The following TLN2 variants were observed in gnomAD, a reference collection of about 807,000 sequenced individuals.
TLN2 encodes the protein talin 2.
TLN2 carries 118 observed loss-of-function variants against 294.7 expected under a neutral mutation model. The observed-to-expected ratio is 0.40, with a 90% CI of 0.34 to 0.47. The LOEUF is 0.47. Ranked by LOEUF, TLN2 falls within the 20% of genes least tolerant of loss-of-function variation. The pLI is 0.84. For synonymous variants in TLN2, 1,431 were observed against 1,304.5 expected, an observed-to-expected ratio of 1.10 and a Z score of -2.09; for missense variants, 3,083 against 3,282.2, an observed-to-expected ratio of 0.94 and a Z score of 1.48.
At chr15:62,441,810 T>G (rs1391872080) in intron 1 of TLN2, among the ~76,000 whole-genome samples, 1 of 152,186 alleles carries the variant, frequency 6.6e-6, no homozygotes, top group African/African-American at 2.4e-5. Flanking sequence ...AGGCCTCTAT[T>G]AACAACATGA....
At chr15:62,540,310 A>G (rs962319356) in intron 1 of TLN2, among the ~76,000 whole-genome samples, 27 of 151,996 alleles carry the variant, frequency 1.8e-4, no homozygotes, top group African/African-American at 6.5e-4. Flanking sequence ...ACTGCACTCC[A>G]GCCTGGGTGA....
chr15:62,573,448 C>T (rs577892830), intron 1 of TLN2, among the ~76,000 whole-genome samples: 70 of 152,222 alleles, frequency 4.6e-4, no homozygotes, highest in African/African-American at 1.6e-3. Context: ...ATTCATCCTT[C>T]TAGGGGCCCC....
intron 1 of TLN2, among the ~76,000 whole-genome samples, chr15:62,420,124 TA>T (rs1454512856): frequency 6.6e-6 from 1 of 152,224 alleles, no homozygotes; most frequent in Admixed American, 6.5e-5. Context: ...AGTGCTGACT[TA>T]CTTTATAGTA....
At chr15:62,596,334 A>G (rs1235373333) in intron 2 of TLN2, among the ~76,000 whole-genome samples, 1 of 152,106 alleles carries the variant, frequency 6.6e-6, no homozygotes, top group African/African-American at 2.4e-5. Context: ...TCACAAAAAA[A>G]ATACGTTAAC....
intron 22 of TLN2, among the ~76,000 whole-genome samples, chr15:62,713,728 C>T (rs2059576987): frequency 6.6e-6 from 1 of 151,962 alleles, no homozygotes; most frequent in African/African-American, 2.4e-5. Context: ...AGGACCTCTC[C>T]TCACTCAACT....
intron 27 of TLN2, among the ~76,000 whole-genome samples, chr15:62,725,699 A>T (rs541809277): frequency 6.6e-6 from 1 of 152,282 alleles, no homozygotes; most frequent in East Asian, 1.9e-4. Context: ...GTTTATCGTG[A>T]TAGTAACTTT....
rs760440383 is a variant in TLN2, at chr15:62,766,329, G to A, written c.5103G>A (p.Gln1701=). The A allele has an allele frequency of 6.2e-7, 1 of 1,612,452 alleles. No homozygotes were observed. Among genetic ancestry groups the A allele is most frequent in the Middle Eastern group, 1.7e-4 (1 of 5,996 alleles). ...TRDDISVEAL[Q]EQLTSVVQEI... ...ACTTCTCTCCTTATCAGGCCCTGCA[G>A]GAGCAGCTGACTTCGGTGGTCCAGG... The change falls in exon 41 of 59, where the codon CAG becomes CAA. Residue 1701 remains glutamine (Q), a synonymous_variant. Coordinates refer to ENST00000636159, the MANE Select transcript of TLN2 (RefSeq NM_015059.3).
intron 1 of TLN2, among the ~76,000 whole-genome samples, chr15:62,459,107 T>A (rs1375707472): frequency 6.6e-6 from 1 of 152,000 alleles, no homozygotes; most frequent in Non-Finnish European, 1.5e-5. Flanking sequence ...TTCAAGTTAT[T>A]CTCCTGCCTC....
chr15:62,517,112 G>T (rs2140463653), intron 1 of TLN2, among the ~76,000 whole-genome samples: 1 of 152,324 alleles, frequency 6.6e-6, no homozygotes. Flanking sequence ...ATGTTCTGAA[G>T]CCAAGGATGG....
chr15:62,599,968 A>C (rs2046850735), intron 2 of TLN2, among the ~76,000 whole-genome samples: 1 of 152,192 alleles, frequency 6.6e-6, no homozygotes, highest in Non-Finnish European at 1.5e-5. Context: ...ACATGTTTCC[A>C]AAAACACTGC....
At chr15:62,790,761 A>G (rs544595300) in intron 45 of TLN2, among the ~76,000 whole-genome samples, 13 of 152,208 alleles carry the variant, frequency 8.5e-5, no homozygotes, top group Non-Finnish European at 1.9e-4. Context: ...TCAGCTTAAC[A>G]TTATTTTCAA....
chr15:62,522,773 C>T (rs1352502091), intron 1 of TLN2, among the ~76,000 whole-genome samples: 2 of 148,238 alleles, frequency 1.3e-5, no homozygotes, highest in South Asian at 2.1e-4. Context: ...GACTCCCAGG[C>T]GTCAATTTCA....
intron 1 of TLN2, among the ~76,000 whole-genome samples, chr15:62,537,235 A>G (rs550931269): frequency 2.7e-4 from 41 of 152,070 alleles, no homozygotes; most frequent in Admixed American, 2.0e-4. Context: ...AGCCAGGATG[A>G]TCTCGATCTG....
At chr15:62,439,000 C>T (rs192182841) in intron 1 of TLN2, among the ~76,000 whole-genome samples, 5 of 152,110 alleles carry the variant, frequency 3.3e-5, no homozygotes, top group Admixed American at 6.6e-5. Flanking sequence ...TAGGGCTTTT[C>T]TTTATTGTTT....
rs2070830393 is a variant in TLN2 at position 62,842,669 on chromosome 15, A to T, written c.*2059A>T. Reference sequence around the variant, plus strand: ...AGTTCTTCCACCTTGCCTCAGAGTCATTTAAAACCTTTACTGCATTTGATA... The same window carrying T: ...AGTTCTTCCACCTTGCCTCAGAGTCTTTTAAAACCTTTACTGCATTTGATA... On this transcript the variant is annotated 3_prime_UTR_variant, in exon 59 of 59. Transcript: ENST00000636159. 1 of 152,222 alleles carries T rather than the reference A, an allele frequency of 6.6e-6. No individual in the cohort carries two copies. The highest frequency in any genetic ancestry group is 2.1e-4 in the South Asian group (1 of 4,832). 9.4% of individuals were successfully genotyped at this position (152,222 alleles called of 1,614,324 possible). A position where few individuals can be genotyped will look rare whatever the true frequency, so the allele number is the denominator to read the frequency against.
rs776776453 is a variant in TLN2 at position 62,783,799 on chromosome 15, A to T, written c.5645A>T (p.Glu1882Val). The T allele has an allele frequency of 1.9e-6, 3 of 1,608,466 alleles. No individual in the cohort carries two copies. The highest frequency in any genetic ancestry group is 1.7e-5 in the Admixed American group (1 of 59,866). ...MMTKSVTNPE[E>V]LGGLASQMTS... is the part of the protein sequence containing the mutation. Reference sequence around the variant, plus strand: ...ACTAAGTCGGTTACTAACCCGGAGGAGTTGGGAGGACTGGCTTCACAAATG... The same window carrying T: ...ACTAAGTCGGTTACTAACCCGGAGGTGTTGGGAGGACTGGCTTCACAAATG... The change falls in exon 45 of 59, where the codon GAG becomes GTG. Residue 1882 changes from glutamate (E) to valine (V), a missense_variant. Glu to Val is a moderately radical substitution (Grantham distance 121). Coordinates refer to ENST00000636159, the MANE Select transcript of TLN2 (RefSeq NM_015059.3).
intron 10 of TLN2, among the ~76,000 whole-genome samples, chr15:62,674,964 T>G (rs1015905256): frequency 2.6e-5 from 4 of 152,218 alleles, no homozygotes; most frequent in African/African-American, 9.6e-5. Flanking sequence ...GTGCATGGAT[T>G]GTCACATTTA....
At chr15:62,453,525 C>T (rs147976889) in intron 1 of TLN2, 2 of 152,198 alleles carry the variant, frequency 1.3e-5, no homozygotes, top group East Asian at 3.9e-4. Context: ...GCTTATCTGC[C>T]CCTGGCCATG....
chr15:62,619,103 G>C lies in TLN2; in HGVS notation c.-37+628G>C, dbSNP rs548175816. 1.5e-4 allele frequency among the ~76,000 whole-genome samples: 22 copies of C among 151,652 alleles called. 1 individual carries two copies. The highest frequency in any genetic ancestry group is 4.6e-4 in the African/African-American group (19 of 41,348). On this transcript the variant is annotated intron_variant, in intron 3 of 58. Coordinates refer to ENST00000636159, the MANE Select transcript of TLN2 (RefSeq NM_015059.3). ...GATGTTTGATTTTTTTTTTTTAACTGAGCATAGCAATGAATCTAGGTTTGT... is the reference window on the plus strand; with the variant it reads ...GATGTTTGATTTTTTTTTTTTAACTCAGCATAGCAATGAATCTAGGTTTGT...
Sources: gnomAD v4.1 joint callset for allele counts (sites outside exome capture counted in the v4.1 genomes callset) on GRCh38, gnomAD v4.1.1 for gene constraint, MANE v1.5 for transcripts, NCBI Gene and HGNC (gene_info 2026-07-23, HGNC 2026-07-21) for gene names.